Variants in NOL4L observed in about 807,000 individuals in gnomAD.
The protein encoded by NOL4L is nucleolar protein 4 like, also known as nucleolar protein 4-like.
NOL4L carries 7 observed loss-of-function variants against 64.5 expected under a neutral mutation model. That is an observed-to-expected ratio of 0.11 (90% confidence interval 0.06 to 0.20). The LOEUF (loss-of-function observed/expected upper bound fraction) is 0.20, where lower values mean the gene tolerates loss of function less well. NOL4L is among the 10% of genes least tolerant of loss of function. The pLI is 1.00. For synonymous variants in NOL4L, 413 were observed against 401.0 expected (o/e 1.03, Z -0.36); for missense variants, 680 against 967.1 (o/e 0.70, Z 3.94).
chr20:32,554,531 G>A (rs998444324), intron 1 of NOL4L, among the ~76,000 whole-genome samples: 1 of 151,998 alleles, frequency 6.6e-6, no homozygotes, highest in African/African-American at 2.4e-5. Flanking sequence ...TGTGTGGGGG[G>A]AGGGTGGAGC....
chr20:32,541,718 C>T (rs570171339), intron 1 of NOL4L, among the ~76,000 whole-genome samples: 105 of 152,378 alleles, frequency 6.9e-4, no homozygotes, highest in African/African-American at 1.6e-3. Context: ...TGTCTGCCCG[C>T]GGCACCCGCG....
chr20:32,468,917 A>AAAAAAAAAG (rs1555792102), intron 5 of NOL4L, among the ~76,000 whole-genome samples: 2 of 109,760 alleles, frequency 1.8e-5, no homozygotes, highest in African/African-American at 7.9e-5. Context: ...AAAAAAAAAA[A>AAAAAAAAAG]AAAGAAAGAA....
rs562158985 is a variant in NOL4L, at chr20:32,446,846, C to T, written c.*750G>A. The T allele has an allele frequency of 5.4e-5, 12 of 222,338 alleles. No individual in the cohort carries two copies. The highest frequency in any genetic ancestry group is 8.1e-5 in the Non-Finnish European group (9 of 110,884). The allele number at this position is 222,338 out of a possible 1,614,324, so 13.8% of individuals were successfully genotyped here. On this transcript the variant is annotated 3_prime_UTR_variant, in exon 11 of 11. Transcript: ENST00000621426. Reference sequence around the variant, plus strand: ...GACTGGGGCTTCTGTAGAATGGGGTCGGGGTGCCTCTTTTGTTTTGCTTTG... The same window carrying T: ...GACTGGGGCTTCTGTAGAATGGGGTTGGGGTGCCTCTTTTGTTTTGCTTTG...
At chr20:32,466,012 C>T (rs2014520137) in intron 5 of NOL4L, among the ~76,000 whole-genome samples, 1 of 147,064 alleles carries the variant, frequency 6.8e-6, no homozygotes. Flanking sequence ...GATGGAGTCA[C>T]TCTGTAGCCC....
intron 4 of NOL4L, among the ~76,000 whole-genome samples, chr20:32,485,945 TCTGA>T (rs533063514): frequency 8.7e-4 from 133 of 152,348 alleles, no homozygotes; most frequent in Non-Finnish European, 5.1e-4. Context: ...CCACCTCTTC[TCTGA>T]CTAATAAAAG....
chr20:32,455,115 G>A (rs1010989533), intron 6 of NOL4L, among the ~76,000 whole-genome samples: 53 of 152,228 alleles, frequency 3.5e-4, no homozygotes, highest in African/African-American at 1.2e-3. Context: ...CTGAGCCAGG[G>A]CCAGGGCAGA....
rs529708570 is a variant in NOL4L at position 32,455,727 on chromosome 20, G to T, written c.1119+391C>A. On this transcript the variant is annotated intron_variant, in intron 6 of 10. Coordinates refer to ENST00000621426, the MANE Select transcript of NOL4L (RefSeq NM_001256798.2). The stretch of plus-strand genomic sequence containing the variant: ...TTTTTCGCACGACCTATAAAATGGG[G>T]ACAGGCACGCAGACAAACCAGGCAG... 2.9e-3 allele frequency among the ~76,000 whole-genome samples: 440 copies of T among 152,342 alleles called. 1 individual carries two copies. The highest frequency in any genetic ancestry group is 4.1e-3 in the Non-Finnish European group (277 of 68,038).
chr20:32,486,964 C>T (rs572760841), intron 4 of NOL4L, among the ~76,000 whole-genome samples: 13 of 152,262 alleles, frequency 8.5e-5, no homozygotes, highest in South Asian at 4.1e-4. Flanking sequence ...ACTTTCTAAA[C>T]GATAAGATGA....
At chr20:32,524,258 C>T (rs746700660) in intron 2 of NOL4L, among the ~76,000 whole-genome samples, 18 of 152,234 alleles carry the variant, frequency 1.2e-4, no homozygotes, top group South Asian at 6.2e-4. Flanking sequence ...GAGAGACCTC[C>T]GAGATCCTCT....
At chr20:32,476,345 G>A (rs973619752) in intron 4 of NOL4L, among the ~76,000 whole-genome samples, 21 of 152,180 alleles carry the variant, frequency 1.4e-4, no homozygotes, top group African/African-American at 4.8e-4. Context: ...GCAGGTGGGG[G>A]AAGGTTCCTT....
chr20:32,504,282 C>G (rs997285577), intron 4 of NOL4L, among the ~76,000 whole-genome samples: 1 of 152,118 alleles, frequency 6.6e-6, no homozygotes, highest in Non-Finnish European at 1.5e-5. Context: ...TCTCAGAGGC[C>G]GGGCGTGGTG....
intron 4 of NOL4L, among the ~76,000 whole-genome samples, chr20:32,502,284 A>G (rs1183031976): frequency 6.6e-6 from 1 of 152,196 alleles, no homozygotes; most frequent in Non-Finnish European, 1.5e-5. Context: ...CTATTTTTCT[A>G]TATGATTTTA....
At chr20:32,569,283 A>G (rs965598061) in intron 1 of NOL4L, among the ~76,000 whole-genome samples, 1 of 152,200 alleles carries the variant, frequency 6.6e-6, no homozygotes, top group Non-Finnish European at 1.5e-5. Context: ...GGGGCCAAGG[A>G]ACTGGAAAGA....
chr20:32,577,303 C>T (rs911527), intron 1 of NOL4L, among the ~76,000 whole-genome samples: 49,951 of 152,074 alleles, frequency 0.33, 9,329 homozygotes, highest in East Asian at 0.75. Flanking sequence ...AGGAGAAGGG[C>T]GAGAGGCTTG....
At chr20:32,527,960 G>T in intron 1 of NOL4L, 47 bp from the exon 2 acceptor site, 1 of 1,530,290 alleles carries the variant, frequency 6.5e-7, no homozygotes, top group South Asian at 1.2e-5. Context: ...ATGATGGCGG[G>T]GTGAGAACTG....
intron 4 of NOL4L, among the ~76,000 whole-genome samples, chr20:32,476,322 G>A (rs574729729): frequency 6.6e-6 from 1 of 152,292 alleles, no homozygotes; most frequent in Admixed American, 6.5e-5. Flanking sequence ...AAGGGGAGGG[G>A]GAAGAGAGGC....
chr20:32,510,384 C>G (rs1600791911), intron 4 of NOL4L: 1 of 211,986 alleles, frequency 4.7e-6, no homozygotes, highest in East Asian at 1.1e-4. Flanking sequence ...TAACACGGGC[C>G]AAGATGCCAC....
chr20:32,475,138 C>A, intron 4 of NOL4L: 1 of 985,466 alleles, frequency 1.0e-6, no homozygotes, highest in Non-Finnish European at 1.2e-6. Flanking sequence ...CGGCAAGAAG[C>A]GGGCAGCAGC....
chr20:32,530,907 G>A (rs1007229698), intron 1 of NOL4L, among the ~76,000 whole-genome samples: 5 of 151,828 alleles, frequency 3.3e-5, no homozygotes, highest in African/African-American at 1.2e-4. Context: ...GGCAACAAGA[G>A]TGAAACTCCA....
Sources: gnomAD v4.1 joint callset for allele counts (sites outside exome capture counted in the v4.1 genomes callset) on GRCh38, gnomAD v4.1.1 for gene constraint, MANE v1.5 for transcripts, NCBI Gene and HGNC (gene_info 2026-07-23, HGNC 2026-07-21) for gene names.